TM9SF2: variants seen among roughly 807,000 people sequenced by gnomAD.
TM9SF2 encodes the protein transmembrane 9 superfamily member 2.
A neutral mutation model predicts 84.9 loss-of-function variants in TM9SF2; 13 were observed. The ratio of observed to expected loss-of-function variants is 0.15; its 90% CI spans 0.10 to 0.24. The LOEUF is 0.24. Among genes scored for constraint, TM9SF2 ranks in the 10% least tolerant of loss-of-function variants. The pLI is 1.00. For missense variants in TM9SF2, 562 were observed against 818.5 expected (o/e 0.69, Z 3.82); for synonymous variants, 273 against 285.8 (o/e 0.96, Z 0.45).
intron 11 of TM9SF2, among the ~76,000 whole-genome samples, chr13:99,548,374 A>C (rs2046292468): frequency 6.6e-6 from 1 of 152,212 alleles, no homozygotes; most frequent in Non-Finnish European, 1.5e-5. Context: ...CATATATATG[A>C]TCTTATGTGT....
chr13:99,547,157 G>T, intron 11 of TM9SF2, 53 bp downstream of exon 11: 4 of 1,603,446 alleles, frequency 2.5e-6, no homozygotes, highest in Non-Finnish European at 3.4e-6. Context: ...CTCTGCTGCG[G>T]CTGTGGATCT....
chr13:99,561,348 T>G (rs1439702483), intron 16 of TM9SF2, among the ~76,000 whole-genome samples: 2 of 152,226 alleles, frequency 1.3e-5, no homozygotes, highest in Admixed American at 6.5e-5. Flanking sequence ...AGAACAAAAT[T>G]AAGTAACTAA....
At chr13:99,535,582 G>T (rs1161535526) in intron 4 of TM9SF2, among the ~76,000 whole-genome samples, 1 of 152,182 alleles carries the variant, frequency 6.6e-6, no homozygotes, top group Non-Finnish European at 1.5e-5. Context: ...TAGTATAGGT[G>T]ATTCTAAAAT....
At chr13:99,507,854 T>TA (rs1159323096) in intron 1 of TM9SF2, among the ~76,000 whole-genome samples, 5 of 152,136 alleles carry the variant, frequency 3.3e-5, no homozygotes. Flanking sequence ...AATCCAGTTG[T>TA]AAGTGTGGGG....
chr13:99,504,148 A>G lies in TM9SF2; in HGVS notation c.171+2371A>G, dbSNP rs57507875. ...ATAACAGTAAACAGTTGAAATTTGTATTACTTCAATCAGGATGTTAATAAT... is the reference window on the plus strand; with the variant it reads ...ATAACAGTAAACAGTTGAAATTTGTGTTACTTCAATCAGGATGTTAATAAT... On this transcript the variant is annotated intron_variant, in intron 1 of 16. Transcript: ENST00000376387. Among the ~76,000 whole-genome samples the G allele has an allele frequency of 5.1e-3, 781 of 152,354 alleles. 12 individuals are homozygous for G. Among genetic ancestry groups the G allele is most frequent in the African/African-American group, 0.018 (739 of 41,576 alleles).
chr13:99,554,380 C>T lies in TM9SF2; in HGVS notation c.1565C>T (p.Pro522Leu). ...PEQSFYTKPL[P>L]GIIMGGILPF... ...CAGTCGTTCTACACGAAGCCCTTGC[C>T]TGGTATTATCATGGGAGGGATTTTG... Residue 522 changes from proline to leucine, a missense_variant, in exon 14 of 17, where the codon CCT becomes CTT. Physicochemically the swap from Pro to Leu is moderately conservative, Grantham distance 98. Coordinates refer to ENST00000376387, the MANE Select transcript of TM9SF2 (RefSeq NM_004800.3). 1 of 1,614,196 alleles carries T rather than the reference C, an allele frequency of 6.2e-7. No homozygotes were observed. Among genetic ancestry groups the T allele is most frequent in the Non-Finnish European group, 8.5e-7 (1 of 1,180,026 alleles).
At position 99,552,806 on chromosome 13, in the gene TM9SF2, G is replaced by A. The variant is rs542685039; in HGVS notation, c.1488+480G>A. Among the ~76,000 whole-genome samples, 4 of 152,318 alleles carry A rather than the reference G, an allele frequency of 2.6e-5. No homozygotes were observed. The South Asian group carries it at 6.2e-4, about 24-fold the overall frequency. The stretch of plus-strand genomic sequence containing the variant: ...TTTAGTGGAGACAAGGTTTCATCAC[G>A]TTGGTCAGGCTGGTCTTGAACTCCT... On this transcript the variant is annotated intron_variant, in intron 13 of 16. Transcript: ENST00000376387.
chr13:99,552,326 T>C lies in TM9SF2; in HGVS notation c.1488T>C (p.Asn496=). ...FIGAYFGFKK[N]AIEHPVRTNQ... ...GTGCATACTTTGGTTTTAAGAAGAA[T>C]GTAAGTTTATAGGTGTTAACTTATT... The change falls in exon 13 of 17, where the codon AAT becomes AAC. Residue 496 remains asparagine, a splice_region_variant and synonymous_variant. Coordinates refer to ENST00000376387, the MANE Select transcript of TM9SF2 (RefSeq NM_004800.3). 1 of 1,613,050 alleles carries C rather than the reference T, an allele frequency of 6.2e-7. No individual in the cohort carries two copies. Among genetic ancestry groups the C allele is most frequent in the East Asian group, 2.2e-5 (1 of 44,864 alleles).
At chr13:99,555,691 AC>A (rs1347304458) in intron 15 of TM9SF2, 44 bp downstream of exon 15, 18 of 1,330,244 alleles carry the variant, frequency 1.4e-5, no homozygotes, top group Middle Eastern at 1.9e-4. Flanking sequence ...GTAGACAGTA[AC>A]TTTGGCATAT....
chr13:99,508,208 T>A lies in TM9SF2; in HGVS notation c.171+6431T>A, dbSNP rs74861554. ...TGTTTCATGTTGTCAAAATTTTGCA[T>A]GCTTGAAATAACCTAGGTGGGGACA... On this transcript the variant is annotated intron_variant, in intron 1 of 16. Transcript: ENST00000376387. Among the ~76,000 whole-genome samples, 776 of 152,298 alleles carry A rather than the reference T, an allele frequency of 5.1e-3. 12 individuals carry two copies. The highest frequency in any genetic ancestry group is 0.018 in the African/African-American group (734 of 41,558).
In TM9SF2 at chr13:99,559,506, A is replaced by C; in HGVS notation, c.1896A>C (p.Ile632=). 1.2e-6 allele frequency: 2 copies of C among 1,603,668 alleles called. No individual in the cohort carries two copies. Among genetic ancestry groups the C allele is most frequent in the Non-Finnish European group, 1.7e-6 (2 of 1,177,396 alleles). The change falls in exon 16 of 17, where the codon ATA becomes ATC. Residue 632 remains isoleucine (I), a synonymous_variant. Transcript: ENST00000376387. ...STILYFGYTM[I]MVLIFFLFTG... is the part of the protein sequence containing the mutation. ...TTCTGTACTTTGGTTATACCATGAT[A>C]ATGGTTTTGATCTTCTTTCTTTTTA...
At chr13:99,524,806 GC>G (rs1235363632) in intron 3 of TM9SF2, among the ~76,000 whole-genome samples, 3 of 151,794 alleles carry the variant, frequency 2.0e-5, no homozygotes, top group Non-Finnish European at 2.9e-5. Flanking sequence ...TAAGAGATCC[GC>G]CCCCTCTCAG....
intron 3 of TM9SF2, among the ~76,000 whole-genome samples, chr13:99,528,464 T>C (rs561033261): frequency 2.0e-5 from 3 of 152,228 alleles, no homozygotes; most frequent in Non-Finnish European, 4.4e-5. Flanking sequence ...GTCTTGCTAT[T>C]TCCTTCACAA....
chr13:99,538,037 A>C (rs1429294521), intron 6 of TM9SF2, among the ~76,000 whole-genome samples, 174 bp downstream of exon 6: 2 of 152,222 alleles, frequency 1.3e-5, no homozygotes, highest in African/African-American at 4.8e-5. Flanking sequence ...CCATACCAAT[A>C]GTTATTTTCC....
chr13:99,528,634 C>T (rs1247664570), intron 3 of TM9SF2, among the ~76,000 whole-genome samples: 1 of 151,984 alleles, frequency 6.6e-6, no homozygotes, highest in African/African-American at 2.4e-5. Flanking sequence ...TTCCATTTTC[C>T]ACTTTTTAAG....
At chr13:99,522,112 C>T (rs746655808) in intron 3 of TM9SF2, among the ~76,000 whole-genome samples, 2 of 152,096 alleles carry the variant, frequency 1.3e-5, no homozygotes, top group Non-Finnish European at 2.9e-5. Context: ...CCTCCGCCTC[C>T]TGGGTTCAAG....
chr13:99,562,726 A>G lies in TM9SF2; in HGVS notation c.1960A>G (p.Thr654Ala), dbSNP rs186936745. The G allele has an allele frequency of 6.2e-7, 1 of 1,613,544 alleles. No homozygotes were observed. The highest frequency in any genetic ancestry group is 1.7e-5 in the Admixed American group (1 of 60,016). The change falls in exon 17 of 17, where the codon ACC becomes GCC. Residue 654 changes from threonine (T) to alanine (A), a missense_variant. Physicochemically the swap from Thr to Ala is moderately conservative, Grantham distance 58. Around this residue, in one of 4 missense-constraint regions of TM9SF2, gnomAD observed 63 missense variants for 109.2 expected, o/e 0.58. Coordinates refer to ENST00000376387, the MANE Select transcript of TM9SF2 (RefSeq NM_004800.3). Reference sequence around the variant, plus strand: ...CTTCTTTGCATGCTTTTGGTTTGTTACCAAAATATACAGTGTGGTGAAGGT... The same window carrying G: ...CTTCTTTGCATGCTTTTGGTTTGTTGCCAAAATATACAGTGTGGTGAAGGT... ...IGFFACFWFVTKIYSVVKVD is the reference protein window; with the variant it reads ...IGFFACFWFVAKIYSVVKVD
chr13:99,561,357 AAACTT>A (rs1312402647), intron 16 of TM9SF2, among the ~76,000 whole-genome samples: 5 of 152,234 alleles, frequency 3.3e-5, no homozygotes, highest in Admixed American at 6.5e-5. Context: ...TTAAGTAACT[AAACTT>A]AAGTTTCTTA....
chr13:99,512,825 A>G (rs1178447035), intron 1 of TM9SF2, among the ~76,000 whole-genome samples: 7 of 152,176 alleles, frequency 4.6e-5, no homozygotes, highest in Admixed American at 4.6e-4. Context: ...AGTGAGAGAA[A>G]TCCATGGGGA....
Sources: gnomAD v4.1 joint callset for allele counts (sites outside exome capture counted in the v4.1 genomes callset) on GRCh38, gnomAD v4.1.1 for gene constraint, gnomAD v4.1.1 regional missense constraint, MANE v1.5 for transcripts, NCBI Gene and HGNC (gene_info 2026-07-23, HGNC 2026-07-21) for gene names.